Variants in COL6A6 observed in about 807,000 individuals in gnomAD.
The protein encoded by COL6A6 is collagen alpha-6(VI) chain.
In COL6A6, 183 loss-of-function variants were observed where a neutral mutation model predicts 208.6. The observed-to-expected ratio is 0.88, with a 90% CI of 0.78 to 0.99. The LOEUF is 0.99. Ranked by LOEUF, COL6A6 falls within the 50% of genes least tolerant of loss-of-function variation. The probability of loss-of-function intolerance (pLI) is 0.00; values close to 1 mark genes in which losing one functional copy is unlikely to be tolerated. For synonymous variants in COL6A6, 973 were observed against 1,011.8 expected (o/e 0.96, Z 0.73); for missense variants, 2,816 against 2,815.2 (o/e 1.00, Z -0.01).
At chr3:130,559,533 C>A (rs2062835288) in intron 1 of COL6A6, among the ~76,000 whole-genome samples, 1 of 152,176 alleles carries the variant, frequency 6.6e-6, no homozygotes, top group African/African-American at 2.4e-5. Flanking sequence ...CACAATTAAG[C>A]AGGACATGGA....
Position 130,591,038 on chromosome 3 carries a change from C to T in COL6A6, c.4219-3C>T, listed in dbSNP as rs763567354. On this transcript the variant is annotated splice_region_variant and splice_polypyrimidine_tract_variant and intron_variant, in intron 12 of 36. Transcript: ENST00000358511. ...AATGTTTTCTTCCTTTTCTTATTTCCAGGGACCTCCAGGTTTTAAAGGCAG... is the reference window on the plus strand; with the variant it reads ...AATGTTTTCTTCCTTTTCTTATTTCTAGGGACCTCCAGGTTTTAAAGGCAG... 40 of 1,572,032 alleles carry T rather than the reference C, an allele frequency of 2.5e-5. No homozygotes were observed. In the Middle Eastern group the frequency reaches 5.0e-4, roughly 20 times the overall value.
Position 130,621,806 on chromosome 3 carries a change from C to T in COL6A6, c.4816-15C>T, listed in dbSNP as rs760402906. 1 of 1,612,512 alleles carries T rather than the reference C, an allele frequency of 6.2e-7. No individual in the cohort carries two copies. Among genetic ancestry groups the T allele is most frequent in the African/African-American group, 1.3e-5 (1 of 74,928 alleles). ...TATGTTTTGCTATATTTGCAAACCC[C>T]TTGTTTTGTTTCAGGGGCCTCCAGG... is the stretch of plus-strand genomic sequence containing the variant. On this transcript the variant is annotated splice_polypyrimidine_tract_variant and intron_variant, in intron 23 of 36. Coordinates refer to ENST00000358511, the MANE Select transcript of COL6A6 (RefSeq NM_001102608.3).
At chr3:130,616,523 A>G (rs1284933400) in intron 23 of COL6A6, among the ~76,000 whole-genome samples, 2 of 149,922 alleles carry the variant, frequency 1.3e-5, no homozygotes, top group Non-Finnish European at 3.0e-5. Flanking sequence ...GGTTTACCTT[A>G]AGGTCCTATT....
rs1192778145 is a variant in COL6A6 at position 130,635,640 on chromosome 3, A to T, written c.5029-59A>T. 40 of 1,131,672 alleles carry T rather than the reference A, an allele frequency of 3.5e-5. No homozygotes were observed. The East Asian group carries it at 1.0e-3, about 29-fold the overall frequency. 70.1% of individuals were successfully genotyped at this position (1,131,672 alleles called of 1,614,324 possible). On this transcript the variant is annotated intron_variant, in intron 27 of 36. Transcript: ENST00000358511. ...TTAGAATCAGTTTAAAGATGCAAAT[A>T]TGTTACATATGTATATGTTTGATTT...
At chr3:130,586,092 C>G (rs1476805706) in intron 10 of COL6A6, among the ~76,000 whole-genome samples, 3 of 152,198 alleles carry the variant, frequency 2.0e-5, no homozygotes, top group Non-Finnish European at 4.4e-5. Context: ...GTAGCTGGGA[C>G]CACAGGCATA....
chr3:130,523,346 T>C (rs1422537497), intron 1 of COL6A6, among the ~76,000 whole-genome samples: 1 of 152,182 alleles, frequency 6.6e-6, no homozygotes, highest in African/African-American at 2.4e-5. Context: ...TCCTTAGCCA[T>C]ATCGCTCTCC....
chr3:130,531,836 G>A (rs1156515942), intron 1 of COL6A6, among the ~76,000 whole-genome samples: 1 of 152,122 alleles, frequency 6.6e-6, no homozygotes, highest in African/African-American at 2.4e-5. Flanking sequence ...AAAATGAGAA[G>A]AGCAGAGTCT....
At chr3:130,609,030 G>T in intron 22 of COL6A6, 66 bp downstream of exon 22, 1 of 1,190,686 alleles carries the variant, frequency 8.4e-7, no homozygotes, top group Non-Finnish European at 1.2e-6. Flanking sequence ...AAAATCTGAG[G>T]ACCTGATAGA....
At chr3:130,527,095 C>T in intron 1 of COL6A6, among the ~76,000 whole-genome samples, 1 of 152,288 alleles carries the variant, frequency 6.6e-6, no homozygotes, top group Non-Finnish European at 1.5e-5. Context: ...GAACCTCATA[C>T]TCTTTTATTG....
intron 31 of COL6A6, among the ~76,000 whole-genome samples, chr3:130,643,915 T>C (rs1489160350): frequency 1.3e-5 from 2 of 152,186 alleles, no homozygotes; most frequent in Non-Finnish European, 2.9e-5. Flanking sequence ...AGAACCATGA[T>C]GGGAATCAAA....
In COL6A6 at chr3:130,599,597, A is replaced by G. The variant is rs1016794514; in HGVS notation, c.4600-160A>G. ...TCCTCATGACTTATATAGAAATGTGACTTATGATCAGTAGAGTTCATGCCA... is the reference window on the plus strand; with the variant it reads ...TCCTCATGACTTATATAGAAATGTGGCTTATGATCAGTAGAGTTCATGCCA... On this transcript the variant is annotated intron_variant, in intron 19 of 36. Coordinates refer to ENST00000358511, the MANE Select transcript of COL6A6 (RefSeq NM_001102608.3). Among the ~76,000 whole-genome samples the G allele has an allele frequency of 1.1e-4, 17 of 152,322 alleles. No individual in the cohort carries two copies. In the South Asian group the frequency reaches 3.5e-3, roughly 32 times the overall value.
intron 1 of COL6A6, among the ~76,000 whole-genome samples, 180 bp downstream of exon 1, chr3:130,517,577 A>C (rs1316331974): frequency 1.3e-5 from 2 of 152,384 alleles, no homozygotes; most frequent in African/African-American, 4.8e-5. Context: ...TCCTCCTCCA[A>C]ACAAGAGTAA....
At chr3:130,658,078 G>A (rs142488714) in intron 33 of COL6A6, among the ~76,000 whole-genome samples, 12 of 152,262 alleles carry the variant, frequency 7.9e-5, no homozygotes, top group Admixed American at 2.0e-4. Flanking sequence ...CTGCATGGAC[G>A]TAGATCTGAG....
chr3:130,548,205 TC>T (rs1354360902), intron 1 of COL6A6, among the ~76,000 whole-genome samples: 1 of 152,210 alleles, frequency 6.6e-6, no homozygotes, highest in Non-Finnish European at 1.5e-5. Context: ...TTTTAGAAAG[TC>T]TTGTAATTTT....
intron 36 of COL6A6, among the ~76,000 whole-genome samples, chr3:130,671,931 G>A (rs2066227785): frequency 6.6e-6 from 1 of 152,180 alleles, no homozygotes; most frequent in Non-Finnish European, 1.5e-5. Flanking sequence ...AAGAACCTGT[G>A]CCAGACTTTA....
chr3:130,528,848 T>C (rs148240284), intron 1 of COL6A6, among the ~76,000 whole-genome samples: 5 of 152,298 alleles, frequency 3.3e-5, no homozygotes, highest in Non-Finnish European at 7.3e-5. Flanking sequence ...CCCAGCACTT[T>C]GGGAGGCCGT....
rs770646850 is a variant in COL6A6 at position 130,574,514 on chromosome 3, C to T, written c.3536C>T (p.Ala1179Val). The T allele has an allele frequency of 1.6e-5, 26 of 1,612,742 alleles. No homozygotes were observed. The highest frequency in any genetic ancestry group is 5.3e-5 in the African/African-American group (4 of 74,898). Residue 1179 changes from alanine to valine, a missense_variant, in exon 8 of 37, where the codon GCG becomes GTG. Transcript: ENST00000358511. Reference protein sequence around the residue: ...KRIVRNICTTAGESNCFVDVV... With the variant: ...KRIVRNICTTVGESNCFVDVV... Reference sequence around the variant, plus strand: ...ATCGTTCGCAACATCTGTACCACAGCGGGTGAAAGCAGTAAGTATTTAGCA... The same window carrying T: ...ATCGTTCGCAACATCTGTACCACAGTGGGTGAAAGCAGTAAGTATTTAGCA...
intron 13 of COL6A6, 78 bp from the exon 14 acceptor site, chr3:130,592,463 C>T (rs1302536901): frequency 1.7e-6 from 2 of 1,190,138 alleles, no homozygotes; most frequent in African/African-American, 1.6e-5. Context: ...TTTTTGGTAA[C>T]AAAAAACTTG....
intron 1 of COL6A6, among the ~76,000 whole-genome samples, chr3:130,540,667 C>T (rs953558623): frequency 6.6e-6 from 1 of 152,068 alleles, no homozygotes; most frequent in African/African-American, 2.4e-5. Context: ...ACCCCACCCT[C>T]CCTCAACAGG....
Sources: allele counts gnomAD v4.1 joint callset (sites outside exome capture counted in the v4.1 genomes callset), GRCh38; gene constraint gnomAD v4.1.1; transcripts MANE v1.5; gene names NCBI Gene and HGNC (gene_info 2026-07-23, HGNC 2026-07-21).